The following HECTD2 variants were observed in gnomAD, a reference collection of about 807,000 sequenced individuals.
HECTD2 encodes probable E3 ubiquitin-protein ligase HECTD2.
A neutral mutation model predicts 103.2 loss-of-function variants in HECTD2; 35 were observed. The observed-to-expected ratio is 0.34, with a 90% confidence interval of 0.26 to 0.45. HECTD2 has a LOEUF of 0.45. Among genes scored for constraint, HECTD2 ranks in the 20% least tolerant of loss-of-function variants. HECTD2 has a pLI of 1.00. For synonymous variants in HECTD2, 281 were observed against 329.9 expected, an observed-to-expected ratio of 0.85 and a Z score of 1.61; for missense variants, 596 against 937.4, an observed-to-expected ratio of 0.64 and a Z score of 4.76.
intron 2 of HECTD2, among the ~76,000 whole-genome samples, chr10:91,430,177 A>G (rs1222569295): frequency 6.6e-6 from 1 of 152,146 alleles, no homozygotes; most frequent in Non-Finnish European, 1.5e-5. Flanking sequence ...GTTTCCATGT[A>G]GTTGAGCAGT....
In HECTD2 at chr10:91,457,137, C is replaced by G. The variant is rs538897079; in HGVS notation, c.269-3290C>G. ...CATCCAGTTTGAAATAGTTAATTTG[C>G]CTCGTTTTATAACCACTAAGGATTT... On this transcript the variant is annotated intron_variant, in intron 2 of 20. Transcript: ENST00000298068. Among the ~76,000 whole-genome samples the G allele has an allele frequency of 2.6e-5, 4 of 152,050 alleles. No individual in the cohort carries two copies. The South Asian group carries it at 8.3e-4, about 32-fold the overall frequency.
At chr10:91,434,280 T>C (rs890950886) in intron 2 of HECTD2, among the ~76,000 whole-genome samples, 1 of 151,990 alleles carries the variant, frequency 6.6e-6, no homozygotes, top group Non-Finnish European at 1.5e-5. Context: ...TGGTCTTTCC[T>C]TGTTTCAGCT....
In HECTD2 at chr10:91,418,669, G is replaced by GA. The variant is rs201006647; in HGVS notation, c.139-6604dup. ...ACCCACCATCCTAATAGGGAACTGT[G>GA]AAAAAAAACCATACAAAAAGAGAAA... On this transcript the variant is annotated intron_variant, in intron 1 of 20. Coordinates refer to ENST00000298068, the MANE Select transcript of HECTD2 (RefSeq NM_182765.6). Among the ~76,000 whole-genome samples, 706 of 151,184 alleles carry GA rather than the reference G, an allele frequency of 4.7e-3. 6 individuals carry two copies. Among genetic ancestry groups the GA allele is most frequent in the African/African-American group, 0.016 (648 of 41,082 alleles).
intron 2 of HECTD2, among the ~76,000 whole-genome samples, chr10:91,455,965 G>T (rs1253271417): frequency 1.3e-5 from 2 of 152,200 alleles, no homozygotes; most frequent in South Asian, 2.1e-4. Context: ...ATGCTGTTTT[G>T]GTTACTGTAG....
chr10:91,464,341 G>C (rs962149847), intron 5 of HECTD2, among the ~76,000 whole-genome samples: 1 of 152,130 alleles, frequency 6.6e-6, no homozygotes, highest in African/African-American at 2.4e-5. Context: ...AAAAATTGCT[G>C]GTTGCTGTCA....
chr10:91,495,425 T>A (rs1846630759), intron 14 of HECTD2, among the ~76,000 whole-genome samples: 1 of 152,066 alleles, frequency 6.6e-6, no homozygotes, highest in South Asian at 2.1e-4. Context: ...CTTCCAATTT[T>A]TAAAAGTTAT....
Position 91,487,886 on chromosome 10 carries a change from T to TA in HECTD2, c.1191+112dup. 1.4e-6 allele frequency: 1 copy of TA among 716,056 alleles called. No individual in the cohort carries two copies. Among genetic ancestry groups the TA allele is most frequent in the Non-Finnish European group, 2.2e-6 (1 of 454,858 alleles). 44.4% of individuals were successfully genotyped at this position (716,056 alleles called of 1,614,324 possible). Reference sequence around the variant, plus strand: ...ATTGTTCTAGCATAATCAGGAATGTTAAAAGCAAAATTCGTGTTATACTCA... The same window carrying TA: ...ATTGTTCTAGCATAATCAGGAATGTTAAAAAGCAAAATTCGTGTTATACTCA... On this transcript the variant is annotated intron_variant, in intron 11 of 20. Coordinates refer to ENST00000298068, the MANE Select transcript of HECTD2 (RefSeq NM_182765.6). The surrounding 1 kb of genome is among the most constrained non-coding windows in gnomAD (Gnocchi z 4.1).
intron 11 of HECTD2, among the ~76,000 whole-genome samples, chr10:91,490,752 G>A (rs1187583581): frequency 6.6e-5 from 10 of 150,874 alleles, no homozygotes; most frequent in African/African-American, 1.5e-4. Flanking sequence ...TTAGCCGGGC[G>A]TGGTGGTGGG....
chr10:91,497,525 G>A (rs1846731497), intron 15 of HECTD2, among the ~76,000 whole-genome samples: 1 of 136,272 alleles, frequency 7.3e-6, no homozygotes, highest in Non-Finnish European at 1.6e-5. Context: ...TGGCCAGGCT[G>A]GTCTTGAACT....
At chr10:91,416,377 C>CACA (rs1392881732) in intron 1 of HECTD2, among the ~76,000 whole-genome samples, 1 of 152,212 alleles carries the variant, frequency 6.6e-6, no homozygotes, top group Non-Finnish European at 1.5e-5. Flanking sequence ...TAACAATGTT[C>CACA]TAGTCAATGA....
Position 91,469,020 on chromosome 10 carries a change from T to C in HECTD2, c.600+6836T>C, listed in dbSNP as rs149946893. Among the ~76,000 whole-genome samples, 780 of 149,800 alleles carry C rather than the reference T, an allele frequency of 5.2e-3. 5 individuals carry two copies. The highest frequency in any genetic ancestry group is 7.7e-3 in the Non-Finnish European group (524 of 67,642). On this transcript the variant is annotated intron_variant, in intron 5 of 20. Coordinates refer to ENST00000298068, the MANE Select transcript of HECTD2 (RefSeq NM_182765.6). ...CAAGCTAAAGAAAGAATTTCAGAGC[T>C]CAAAGACTGATTCTCCTAAATAGCT...
At chr10:91,488,948 A>C (rs1376459879) in intron 11 of HECTD2, 1 of 152,104 alleles carries the variant, frequency 6.6e-6, no homozygotes, top group African/African-American at 2.4e-5. Context: ...CTGTATAGCT[A>C]CTCATTCTGA....
At chr10:91,472,329 G>A (rs1166383725) in intron 5 of HECTD2, among the ~76,000 whole-genome samples, 2 of 152,158 alleles carry the variant, frequency 1.3e-5, no homozygotes, top group African/African-American at 2.4e-5. Flanking sequence ...AGACTTTAAT[G>A]TAAAAACTGA....
chr10:91,488,418 A>G (rs1846344300), intron 11 of HECTD2: 1 of 152,132 alleles, frequency 6.6e-6, no homozygotes, highest in Non-Finnish European at 1.5e-5. Flanking sequence ...CAGCACAGTA[A>G]TGTACTTTAT....
intron 1 of HECTD2, among the ~76,000 whole-genome samples, chr10:91,411,379 A>AT (rs1432244831): frequency 2.6e-5 from 4 of 152,272 alleles, no homozygotes; most frequent in Non-Finnish European, 4.4e-5. Context: ...GGATTTTGCA[A>AT]TTTTTTATTT....
upstream of HECTD2, chr10:91,409,469 T>G (rs373145655): frequency 6.6e-6 from 1 of 152,578 alleles, no homozygotes; most frequent in Non-Finnish European, 1.5e-5. Flanking sequence ...AAGGGACGGA[T>G]AGGAGACAGC....
intron 3 of HECTD2, 105 bp downstream of exon 3, chr10:91,460,670 T>A: frequency 8.7e-7 from 1 of 1,149,064 alleles, no homozygotes; most frequent in Non-Finnish European, 1.2e-6. Flanking sequence ...CACTATAAGA[T>A]ATTAGCCAAG....
rs146955629 is a variant in HECTD2 at position 91,437,354 on chromosome 10, C to T, written c.268+11944C>T. 1.2e-3 allele frequency among the ~76,000 whole-genome samples: 182 copies of T among 152,104 alleles called. 1 individual carries two copies. Among genetic ancestry groups the T allele is most frequent in the African/African-American group, 4.2e-3 (176 of 41,524 alleles). On this transcript the variant is annotated intron_variant, in intron 2 of 20. Transcript: ENST00000298068. Reference sequence around the variant, plus strand: ...TACATATGGCCTTTTTCAGGTGGCTCTTGGCATCCTCACAGCATGGTGACG... The same window carrying T: ...TACATATGGCCTTTTTCAGGTGGCTTTTGGCATCCTCACAGCATGGTGACG...
At chr10:91,498,735 C>G in intron 16 of HECTD2, 137 bp from the exon 17 acceptor site, 1 of 596,362 alleles carries the variant, frequency 1.7e-6, no homozygotes, top group South Asian at 2.4e-5. Context: ...ACAAATATTG[C>G]AAGAGCTTAG....
Sources: gnomAD v4.1 joint callset for allele counts (sites outside exome capture counted in the v4.1 genomes callset) on GRCh38, gnomAD v4.1.1 for gene constraint, Gnocchi (gnomAD v3.1) non-coding constraint, MANE v1.5 for transcripts, NCBI Gene and HGNC (gene_info 2026-07-23, HGNC 2026-07-21) for gene names.